The following PCDHGA8 variants were observed in gnomAD, a reference collection of about 807,000 sequenced individuals.
PCDHGA8 encodes the protein protocadherin gamma subfamily A, 8.
A neutral mutation model predicts 59.2 loss-of-function variants in PCDHGA8; 45 were observed. The observed-to-expected ratio is 0.76, with a 90% CI of 0.60 to 0.98. The LOEUF (loss-of-function observed/expected upper bound fraction) is 0.98, where lower values mean the gene tolerates loss of function less well. Among genes scored for constraint, PCDHGA8 ranks in the 50% least tolerant of loss-of-function variants. The probability of loss-of-function intolerance (pLI) is 0.00; values close to 1 mark genes in which losing one functional copy is unlikely to be tolerated. For missense variants in PCDHGA8, 1,257 were observed against 1,196.2 expected (o/e 1.05, Z -0.75); for synonymous variants, 531 against 519.0 (o/e 1.02, Z -0.32).
At chr5:141,470,900 G>A (rs1454085317) in intron 1 of PCDHGA8, among the ~76,000 whole-genome samples, 4 of 151,832 alleles carry the variant, frequency 2.6e-5, no homozygotes, top group African/African-American at 9.7e-5. Context: ...GTTTTTTGTA[G>A]AGATGGGACT....
Position 141,487,229 on chromosome 5 carries a change from G to A in PCDHGA8, c.2425-7578G>A. On this transcript the variant is annotated intron_variant, in intron 1 of 3. Coordinates refer to ENST00000398604, the MANE Select transcript of PCDHGA8 (RefSeq NM_032088.2). The surrounding 1 kb of genome is among the most constrained non-coding windows in gnomAD (Gnocchi z 5.0). ...AGAATCTTCAGCTCCAAGGGAAGGA[G>A]AATCTCGTCTAACCCTCTACTTGGC... is the stretch of plus-strand genomic sequence containing the variant. The A allele has an allele frequency of 6.2e-7, 1 of 1,614,138 alleles. No individual in the cohort carries two copies. The highest frequency in any genetic ancestry group is 8.5e-7 in the Non-Finnish European group (1 of 1,179,994).
chr5:141,479,435 G>C (rs2099495981), intron 1 of PCDHGA8: 1 of 152,218 alleles, frequency 6.6e-6, no homozygotes, highest in Non-Finnish European at 1.5e-5. Context: ...TCAATCCACT[G>C]TCTGCACTAA....
chr5:141,423,656 A>G (rs988976310), intron 1 of PCDHGA8: 2 of 1,571,854 alleles, frequency 1.3e-6, no homozygotes, highest in African/African-American at 1.4e-5. Context: ...CCGACAAGTA[A>G]TCAGGTGAGA....
chr5:141,433,634 G>T (rs2097636752), intron 1 of PCDHGA8, among the ~76,000 whole-genome samples: 1 of 152,078 alleles, frequency 6.6e-6, no homozygotes, highest in Admixed American at 6.5e-5. Flanking sequence ...TTGGGAGTTT[G>T]AGACCAGCCT....
chr5:141,428,492 A>C (rs2097142759), intron 1 of PCDHGA8: 1 of 307,660 alleles, frequency 3.3e-6, no homozygotes. Flanking sequence ...TGCAATCTGT[A>C]TGTTCCCTCG....
At chr5:141,482,801 G>C (rs1230060558) in intron 1 of PCDHGA8, among the ~76,000 whole-genome samples, 1 of 152,176 alleles carries the variant, frequency 6.6e-6, no homozygotes, top group African/African-American at 2.4e-5. Flanking sequence ...GCCGGGTACG[G>C]TGGCTCATGC....
At position 141,490,171 on chromosome 5, in the gene PCDHGA8, G is replaced by A. The variant is rs374421995; in HGVS notation, c.2425-4636G>A. 4 of 1,614,100 alleles carry A rather than the reference G, an allele frequency of 2.5e-6. No individual in the cohort carries two copies. The highest frequency in any genetic ancestry group is 3.4e-6 in the Non-Finnish European group (4 of 1,180,034). On this transcript the variant is annotated intron_variant, in intron 1 of 3. Coordinates refer to ENST00000398604, the MANE Select transcript of PCDHGA8 (RefSeq NM_032088.2). The surrounding 1 kb of genome is among the most constrained non-coding windows in gnomAD (Gnocchi z 5.4). ...CCATGTGTTGGGTCCCATAGACTTT[G>A]AGGAGTCACGTTTCTATGAAATTCA...
Position 141,477,020 on chromosome 5 carries a change from G to C in PCDHGA8, c.2425-17787G>C, listed in dbSNP as rs1383192345. The C allele has an allele frequency of 6.2e-7, 1 of 1,614,224 alleles. No homozygotes were observed. The highest frequency in any genetic ancestry group is 8.5e-7 in the Non-Finnish European group (1 of 1,180,048). On this transcript the variant is annotated intron_variant, in intron 1 of 3. Coordinates refer to ENST00000398604, the MANE Select transcript of PCDHGA8 (RefSeq NM_032088.2). The surrounding 1 kb of genome is among the most constrained non-coding windows in gnomAD (Gnocchi z 4.9). ...ACTATTCGCCTTAGACCTTGTAACC[G>C]GGATGCTGACAATCAAGGGTCGGCT...
At chr5:141,502,472 A>T (rs1450967250) in intron 2 of PCDHGA8, among the ~76,000 whole-genome samples, 1 of 150,886 alleles carries the variant, frequency 6.6e-6, no homozygotes, top group Non-Finnish European at 1.5e-5. Flanking sequence ...TACTTCCCGC[A>T]GCATCACACT....
chr5:141,413,075 AG>A (rs1225722826), intron 1 of PCDHGA8: 11 of 1,246,492 alleles, frequency 8.8e-6, no homozygotes, highest in Non-Finnish European at 1.1e-5. Context: ...TAAAGTGCCC[AG>A]GCTACAGAGA....
intron 1 of PCDHGA8, chr5:141,403,695 G>A (rs376074779): frequency 6.2e-7 from 1 of 1,613,780 alleles, no homozygotes; most frequent in Non-Finnish European, 8.5e-7. Flanking sequence ...CGGATTTACC[G>A]AGTTAAAGTC....
intron 1 of PCDHGA8, chr5:141,410,606 G>C: frequency 1.2e-6 from 2 of 1,607,214 alleles, no homozygotes; most frequent in Non-Finnish European, 1.7e-6. Flanking sequence ...TTCACATCCT[G>C]AGACTCTGAC....
intron 1 of PCDHGA8, among the ~76,000 whole-genome samples, chr5:141,488,534 A>C (rs1169478867): frequency 1.3e-5 from 2 of 152,292 alleles, no homozygotes; most frequent in East Asian, 3.9e-4. Flanking sequence ...AGAAAAGCTA[A>C]GTCCCATGTC....
At chr5:141,483,706 C>T (rs1187078630) in intron 1 of PCDHGA8, among the ~76,000 whole-genome samples, 1 of 151,926 alleles carries the variant, frequency 6.6e-6, no homozygotes, top group African/African-American at 2.4e-5. Context: ...CTTTTTGACA[C>T]CAGAATATTG....
chr5:141,454,464 T>C (rs1365696226), intron 1 of PCDHGA8, among the ~76,000 whole-genome samples: 1 of 152,196 alleles, frequency 6.6e-6, no homozygotes, highest in Non-Finnish European at 1.5e-5. Flanking sequence ...TGGAGTGCAA[T>C]GGCATGATCT....
At chr5:141,478,322 C>G (rs1360535508) in intron 1 of PCDHGA8, 28 of 1,613,976 alleles carry the variant, frequency 1.7e-5, no homozygotes, top group Non-Finnish European at 2.3e-5. Context: ...CTCACTGTAC[C>G]GAACACCAGG....
Position 141,505,383 on chromosome 5 carries a change from C to T in PCDHGA8, c.2484-10C>T, listed in dbSNP as rs369765886. On this transcript the variant is annotated splice_polypyrimidine_tract_variant and intron_variant, in intron 2 of 3. Coordinates refer to ENST00000398604, the MANE Select transcript of PCDHGA8 (RefSeq NM_032088.2). Reference sequence around the variant, plus strand: ...GGGAGTCTGTGCTCACCATCCTACTCTCTCCCCAGCTCCCAAAATGGCGAT... The same window carrying T: ...GGGAGTCTGTGCTCACCATCCTACTTTCTCCCCAGCTCCCAAAATGGCGAT... The T allele has an allele frequency of 1.2e-6, 2 of 1,613,944 alleles. No individual in the cohort carries two copies. Among genetic ancestry groups the T allele is most frequent in the African/African-American group, 2.7e-5 (2 of 74,914 alleles).
At chr5:141,444,659 C>G (rs2098443878) in intron 1 of PCDHGA8, among the ~76,000 whole-genome samples, 1 of 152,032 alleles carries the variant, frequency 6.6e-6, no homozygotes, top group African/African-American at 2.4e-5. Context: ...GAAGTTATTT[C>G]CCATTTTTTT....
At chr5:141,407,980 C>T in intron 1 of PCDHGA8, 1 of 760,358 alleles carries the variant, frequency 1.3e-6, no homozygotes, top group Non-Finnish European at 2.0e-6. Context: ...CGCCGGGGAT[C>T]CGTCAGCCTC....
Sources: allele counts gnomAD v4.1 joint callset (sites outside exome capture counted in the v4.1 genomes callset), GRCh38; gene constraint gnomAD v4.1.1; non-coding constraint Gnocchi (gnomAD v3.1); transcripts MANE v1.5; gene names NCBI Gene and HGNC (gene_info 2026-07-23, HGNC 2026-07-21).